The following KCNJ6 variants were observed in gnomAD, a reference collection of about 807,000 sequenced individuals.
The protein encoded by KCNJ6 is potassium inwardly rectifying channel subfamily J member 6.
Under a neutral mutation model 34.2 loss-of-function variants are expected in KCNJ6, and 9 were observed. The ratio of observed to expected loss-of-function variants is 0.26; its 90% confidence interval spans 0.16 to 0.46. The LOEUF (loss-of-function observed/expected upper bound fraction) is 0.46. KCNJ6 is among the 20% of genes least tolerant of loss of function. KCNJ6 has a pLI of 1.00. For missense variants in KCNJ6, 236 were observed against 531.3 expected (o/e 0.44, Z 5.46); for synonymous variants, 196 against 207.1 (o/e 0.95, Z 0.46).
In KCNJ6 at chr21:37,654,113, T is replaced by G. The variant is rs1453951928; in HGVS notation, c.947-28629A>C. 3.3e-5 allele frequency among the ~76,000 whole-genome samples: 5 copies of G among 150,788 alleles called. No homozygotes were observed. The South Asian group carries it at 8.6e-4, about 26-fold the overall frequency. ...AAAATTCCACTTTGTGGGTTTTTTT[T>G]TTTTTTTTTTTTTGGTGTGTGAGCA... On this transcript the variant is annotated intron_variant, in intron 3 of 3. Coordinates refer to ENST00000609713, the MANE Select transcript of KCNJ6 (RefSeq NM_002240.5).
At chr21:37,909,371 T>C (rs1342768976) in intron 1 of KCNJ6, among the ~76,000 whole-genome samples, 1 of 147,242 alleles carries the variant, frequency 6.8e-6, no homozygotes, top group Non-Finnish European at 1.5e-5. Flanking sequence ...ACAAAGAACT[T>C]TTTTTTTTTT....
At chr21:37,914,841 A>C (rs2055885369) in intron 1 of KCNJ6, among the ~76,000 whole-genome samples, 2 of 151,854 alleles carry the variant, frequency 1.3e-5, no homozygotes, top group Non-Finnish European at 2.9e-5. Flanking sequence ...GGACCGACAG[A>C]CTTTGGATAA....
intron 1 of KCNJ6, among the ~76,000 whole-genome samples, chr21:37,891,505 G>A (rs1399457134): frequency 2.0e-5 from 3 of 152,082 alleles, no homozygotes; most frequent in African/African-American, 7.2e-5. Flanking sequence ...GGATGATTAA[G>A]CACTGCTTAG....
chr21:37,634,330 G>C (rs747307714), intron 3 of KCNJ6, among the ~76,000 whole-genome samples: 3 of 152,076 alleles, frequency 2.0e-5, no homozygotes, highest in Non-Finnish European at 4.4e-5. Flanking sequence ...CTTGCCATGT[G>C]AGCGTCATGC....
chr21:37,850,531 G>A (rs955304275), intron 1 of KCNJ6, among the ~76,000 whole-genome samples: 2 of 152,068 alleles, frequency 1.3e-5, no homozygotes, highest in Non-Finnish European at 2.9e-5. Flanking sequence ...GATGTGAGGT[G>A]GAACAGTTTC....
chr21:37,665,905 T>C (rs1888636695), intron 3 of KCNJ6, among the ~76,000 whole-genome samples: 1 of 152,166 alleles, frequency 6.6e-6, no homozygotes, highest in African/African-American at 2.4e-5. Context: ...TAAGGCTTCC[T>C]GGAGGAGTGG....
chr21:37,758,702 G>A (rs534966913), intron 2 of KCNJ6, among the ~76,000 whole-genome samples: 166 of 152,220 alleles, frequency 1.1e-3, no homozygotes, highest in African/African-American at 3.6e-3. Flanking sequence ...CAGTGGTGCC[G>A]TGATAGCTCA....
intron 2 of KCNJ6, among the ~76,000 whole-genome samples, chr21:37,820,460 AGATTTACTATG>A (rs1351860606): frequency 6.6e-6 from 1 of 152,208 alleles, no homozygotes; most frequent in Non-Finnish European, 1.5e-5. Flanking sequence ...TGGAAGCCAC[AGATTTACTATG>A]GATTTGCTGT....
chr21:37,884,589 T>C (rs2055725981), intron 1 of KCNJ6, among the ~76,000 whole-genome samples: 1 of 152,162 alleles, frequency 6.6e-6, no homozygotes, highest in Admixed American at 6.5e-5. Context: ...TCAGAAAACT[T>C]TCAGGCCTGC....
chr21:37,758,245 T>C (rs569783339), intron 2 of KCNJ6, among the ~76,000 whole-genome samples: 2 of 152,094 alleles, frequency 1.3e-5, no homozygotes, highest in Non-Finnish European at 2.9e-5. Context: ...GTGTGTGGGT[T>C]CTCTAGGGTC....
chr21:37,833,022 C>CTTTTCT (rs1555848602), intron 2 of KCNJ6, among the ~76,000 whole-genome samples: 10 of 150,394 alleles, frequency 6.6e-5, no homozygotes, highest in Admixed American at 2.0e-4. Flanking sequence ...CTTTTCTTTT[C>CTTTTCT]TTTTTTTTTG....
At chr21:37,841,983 G>A (rs751675228) in intron 1 of KCNJ6, among the ~76,000 whole-genome samples, 38 of 152,176 alleles carry the variant, frequency 2.5e-4, no homozygotes, top group Non-Finnish European at 4.4e-4. Flanking sequence ...GACATATAGT[G>A]CTCAATTGTC....
At chr21:37,629,566 GAC>G (rs961701814) in intron 3 of KCNJ6, among the ~76,000 whole-genome samples, 1 of 152,146 alleles carries the variant, frequency 6.6e-6, no homozygotes, top group African/African-American at 2.4e-5. Context: ...TTAGGACACA[GAC>G]ACACACAGAG....
At chr21:37,873,245 T>C (rs540924083) in intron 1 of KCNJ6, among the ~76,000 whole-genome samples, 1 of 152,160 alleles carries the variant, frequency 6.6e-6, no homozygotes, top group Non-Finnish European at 1.5e-5. Context: ...ACACTGAGAC[T>C]GCCGACGATG....
rs1311574157 is a variant in KCNJ6 at position 37,915,942 on chromosome 21, G to A, written c.-86C>T. ...GATCTCCTCTCTTGAAACGGAGCAAGACTGAACAATTCACTACACGACGGA... is the reference window on the plus strand; with the variant it reads ...GATCTCCTCTCTTGAAACGGAGCAAAACTGAACAATTCACTACACGACGGA... On this transcript the variant is annotated 5_prime_UTR_variant, in exon 1 of 4. Coordinates refer to ENST00000609713, the MANE Select transcript of KCNJ6 (RefSeq NM_002240.5). 1 of 152,252 alleles carries A rather than the reference G, an allele frequency of 6.6e-6. No individual in the cohort carries two copies. The highest frequency in any genetic ancestry group is 1.5e-5 in the Non-Finnish European group (1 of 68,136). The allele number at this position is 152,252 out of a possible 1,614,324, so 9.4% of individuals were successfully genotyped here. A position where few individuals can be genotyped will look rare whatever the true frequency, so the allele number is the denominator to read the frequency against.
chr21:37,863,123 T>C (rs537626766), intron 1 of KCNJ6, among the ~76,000 whole-genome samples: 1 of 152,334 alleles, frequency 6.6e-6, no homozygotes, highest in African/African-American at 2.4e-5. Context: ...TTTATAGTCT[T>C]TTCTTTAACA....
At chr21:37,788,862 A>G (rs2055204066) in intron 2 of KCNJ6, among the ~76,000 whole-genome samples, 1 of 152,146 alleles carries the variant, frequency 6.6e-6, no homozygotes, top group African/African-American at 2.4e-5. Context: ...TGAGTGACTC[A>G]TTTTTGGGAT....
At position 37,715,097 on chromosome 21, in the gene KCNJ6, G is replaced by A. The variant is rs777846649; in HGVS notation, c.60C>T (p.Asp20=). 22 of 1,614,056 alleles carry A rather than the reference G, an allele frequency of 1.4e-5. No individual in the cohort carries two copies. The highest frequency in any genetic ancestry group is 1.6e-4 in the Middle Eastern group (1 of 6,062). Residue 20 remains aspartate (D), a synonymous_variant, in exon 3 of 4, where the codon GAC becomes GAT. Coordinates refer to ENST00000609713, the MANE Select transcript of KCNJ6 (RefSeq NM_002240.5). ...NVLEGDSMDQ[D]VESPVAIHQP... ...GGTGAATGGCCACTGGGCTTTCGAC[G>A]TCCTGATCCATGGAGTCGCCCTCCA... is the stretch of plus-strand genomic sequence containing the variant.
chr21:37,781,383 T>G (rs2055168903), intron 2 of KCNJ6, among the ~76,000 whole-genome samples: 1 of 152,066 alleles, frequency 6.6e-6, no homozygotes, highest in Admixed American at 6.5e-5. Context: ...CAGTGTTAGA[T>G]TTAGAAAGAA....
Sources: gnomAD v4.1 joint callset for allele counts (sites outside exome capture counted in the v4.1 genomes callset) on GRCh38, gnomAD v4.1.1 for gene constraint, MANE v1.5 for transcripts, NCBI Gene and HGNC (gene_info 2026-07-23, HGNC 2026-07-21) for gene names.